The following VEZT variants were observed in gnomAD, a reference collection of about 807,000 sequenced individuals.
VEZT encodes vezatin, adherens junctions transmembrane protein, also known as vezatin.
In VEZT, 39 loss-of-function variants were observed where a neutral mutation model predicts 79.9. That is an observed-to-expected ratio of 0.49 (90% CI 0.38 to 0.64). The LOEUF (loss-of-function observed/expected upper bound fraction) is 0.64. VEZT is among the 30% of genes least tolerant of loss of function. The pLI is 0.00. For synonymous variants in VEZT, 325 were observed against 327.6 expected (o/e 0.99, Z 0.09); for missense variants, 837 against 893.1 (o/e 0.94, Z 0.80).
intron 8 of VEZT, among the ~76,000 whole-genome samples, chr12:95,284,667 CCTT>C (rs1415710456): frequency 6.6e-6 from 1 of 152,156 alleles, no homozygotes; most frequent in East Asian, 1.9e-4. Context: ...TTCCCATGGT[CCTT>C]CTATAAGTTG....
intron 2 of VEZT, among the ~76,000 whole-genome samples, chr12:95,255,886 T>C (rs2063393196): frequency 1.3e-5 from 2 of 152,218 alleles, no homozygotes; most frequent in South Asian, 4.1e-4. Context: ...CATACTATTA[T>C]GGTGTGTAAG....
At chr12:95,265,803 A>G (rs1225816501) in intron 4 of VEZT, among the ~76,000 whole-genome samples, 4 of 152,176 alleles carry the variant, frequency 2.6e-5, no homozygotes, top group Admixed American at 2.6e-4. Context: ...ATTAAATATA[A>G]GATGACACCA....
At chr12:95,275,149 G>A (rs1167104893) in intron 7 of VEZT, among the ~76,000 whole-genome samples, 1 of 152,288 alleles carries the variant, frequency 6.6e-6, no homozygotes, top group Middle Eastern at 3.4e-3. Flanking sequence ...TTGGAGATAA[G>A]TGAATTTACT....
At chr12:95,289,007 A>C (rs1272231176) in intron 9 of VEZT, among the ~76,000 whole-genome samples, 1 of 151,446 alleles carries the variant, frequency 6.6e-6, no homozygotes, top group African/African-American at 2.4e-5. Flanking sequence ...TAAGCCCAAG[A>C]GTTTGAGGCT....
chr12:95,217,940 C>T, intron 1 of VEZT, 54 bp downstream of exon 1: 1 of 1,442,098 alleles, frequency 6.9e-7, no homozygotes. Flanking sequence ...AAGGACGAGA[C>T]GGAAATCGAG....
intron 1 of VEZT, among the ~76,000 whole-genome samples, chr12:95,234,422 T>C (rs1335190505): frequency 1.3e-5 from 2 of 151,862 alleles, no homozygotes; most frequent in East Asian, 3.9e-4. Context: ...GCCGAGTAGC[T>C]GGGATTACAG....
intron 11 of VEZT, among the ~76,000 whole-genome samples, chr12:95,298,395 CT>C (rs1325606253): frequency 6.6e-6 from 1 of 152,156 alleles, no homozygotes; most frequent in Admixed American, 6.6e-5. Flanking sequence ...CATTCATATA[CT>C]GGGCCTACAT....
Position 95,223,746 on chromosome 12 carries a change from T to C in VEZT, c.36+5860T>C, listed in dbSNP as rs142589361. Among the ~76,000 whole-genome samples the C allele has an allele frequency of 4.5e-3, 680 of 152,334 alleles. 8 individuals carry two copies. The highest frequency in any genetic ancestry group is 0.016 in the African/African-American group (653 of 41,574). On this transcript the variant is annotated intron_variant, in intron 1 of 11. Coordinates refer to ENST00000436874, the MANE Select transcript of VEZT (RefSeq NM_017599.4). The stretch of plus-strand genomic sequence containing the variant: ...GATTACAGATGTGAGCCACCGTGCC[T>C]GGCCTCAGGTAGACTTTTCAAAAAA...
rs143583865 is a variant in VEZT, at chr12:95,221,758, A to T, written c.36+3872A>T. ...CAGCTACTCCACAGCCTGAGGCAGA[A>T]GATTGCTTGAGCCCAGGAATTTGAG... On this transcript the variant is annotated intron_variant, in intron 1 of 11. Transcript: ENST00000436874. Among the ~76,000 whole-genome samples, 512 of 152,150 alleles carry T rather than the reference A, an allele frequency of 3.4e-3. 4 individuals carry two copies. The highest frequency in any genetic ancestry group is 0.012 in the African/African-American group (486 of 41,492).
chr12:95,231,929 C>T (rs1593108326), intron 1 of VEZT, among the ~76,000 whole-genome samples: 1 of 152,030 alleles, frequency 6.6e-6, no homozygotes, highest in South Asian at 2.1e-4. Context: ...AGAGATTTAG[C>T]CTTTTAAGTA....
At chr12:95,273,636 T>C (rs1450331966) in intron 6 of VEZT, among the ~76,000 whole-genome samples, 1 of 152,184 alleles carries the variant, frequency 6.6e-6, no homozygotes, top group African/African-American at 2.4e-5. Context: ...TAAAAAAAAT[T>C]TCAGACTATA....
chr12:95,228,223 A>G (rs1475275169), intron 1 of VEZT, among the ~76,000 whole-genome samples: 1 of 152,234 alleles, frequency 6.6e-6, no homozygotes, highest in Non-Finnish European at 1.5e-5. Context: ...TGACTCTCAC[A>G]AAACCTTTCA....
chr12:95,229,235 TTCTC>T (rs1479658817), intron 1 of VEZT, among the ~76,000 whole-genome samples: 1 of 152,224 alleles, frequency 6.6e-6, no homozygotes, highest in Non-Finnish European at 1.5e-5. Context: ...AAGTAGGTAG[TTCTC>T]TCTTTTATGT....
At chr12:95,284,327 G>A (rs961214101) in intron 8 of VEZT, among the ~76,000 whole-genome samples, 1 of 151,970 alleles carries the variant, frequency 6.6e-6, no homozygotes, top group African/African-American at 2.4e-5. Flanking sequence ...TGCTCTTTTT[G>A]TGTCTCACTC....
At chr12:95,233,152 T>G (rs751760769) in intron 1 of VEZT, among the ~76,000 whole-genome samples, 2 of 152,096 alleles carry the variant, frequency 1.3e-5, no homozygotes, top group Non-Finnish European at 1.5e-5. Flanking sequence ...ATTTTATTCA[T>G]TTACTAAATT....
At chr12:95,275,055 G>A (rs1199620393) in intron 7 of VEZT, among the ~76,000 whole-genome samples, 166 bp downstream of exon 7, 1 of 152,140 alleles carries the variant, frequency 6.6e-6, no homozygotes, top group Non-Finnish European at 1.5e-5. Context: ...AGAGCCGAGA[G>A]CATAATAAAG....
At chr12:95,291,411 C>G (rs1052195223) in intron 9 of VEZT, among the ~76,000 whole-genome samples, 1 of 152,194 alleles carries the variant, frequency 6.6e-6, no homozygotes, top group Non-Finnish European at 1.5e-5. Flanking sequence ...TTAATAAGAT[C>G]TGGTAGTTGC....
intron 9 of VEZT, among the ~76,000 whole-genome samples, chr12:95,291,164 G>A (rs1472651390): frequency 6.6e-6 from 1 of 152,150 alleles, no homozygotes. Flanking sequence ...CCAGGAGGTC[G>A]AGGCTTCAGT....
chr12:95,287,682 T>C lies in VEZT; in HGVS notation c.1347T>C (p.Asp449=). The C allele has an allele frequency of 6.4e-7, 1 of 1,569,114 alleles. No homozygotes were observed. The highest frequency in any genetic ancestry group is 8.6e-7 in the Non-Finnish European group (1 of 1,156,260). ...ALLNEVIILE[D]ELEKLVCTKE... is the part of the protein sequence containing the mutation. ...GACTCAGGGTAATAATTCTTGAAGA[T>C]GAACTTGAAAAGCTTGTTTGTACTA... Residue 449 remains aspartate, a synonymous_variant, in exon 9 of 12, where the codon GAT becomes GAC. Coordinates refer to ENST00000436874, the MANE Select transcript of VEZT (RefSeq NM_017599.4).
Sources: gnomAD v4.1 joint callset for allele counts (sites outside exome capture counted in the v4.1 genomes callset) on GRCh38, gnomAD v4.1.1 for gene constraint, MANE v1.5 for transcripts, NCBI Gene and HGNC (gene_info 2026-07-23, HGNC 2026-07-21) for gene names.